IGFL2: variants seen among roughly 807,000 people sequenced by gnomAD.
IGFL2 encodes IGF like family member 2, also known as insulin growth factor-like family member 2.
In IGFL2, 7 loss-of-function variants were observed where a neutral mutation model predicts 13.9. That is an observed-to-expected ratio of 0.51 (90% CI 0.29 to 0.95). The LOEUF (loss-of-function observed/expected upper bound fraction) is 0.95. Ranked by LOEUF, IGFL2 falls within the 40% of genes least tolerant of loss-of-function variation. The pLI, the probability that IGFL2 is intolerant of heterozygous loss-of-function variation, is 0.08. For synonymous variants in IGFL2, 55 were observed against 55.8 expected (o/e 0.99, Z 0.07); for missense variants, 138 against 147.8 (o/e 0.93, Z 0.34).
At chr19:46,176,209 T>G in the IGFL2 span, among the ~76,000 whole-genome samples, 6 of 147,196 alleles carry the variant, frequency 4.1e-5, no homozygotes, top group Non-Finnish European at 9.0e-5. Context: ...AAAAGAAAAC[T>G]GGAGAAGGAT....
chr19:46,197,928 G>A, the IGFL2 span, among the ~76,000 whole-genome samples: 1 of 151,750 alleles, frequency 6.6e-6, no homozygotes, highest in African/African-American at 2.4e-5. Context: ...CTGAGCTTAA[G>A]TGACCTGCCT....
At chr19:46,166,008 G>T (rs368379676), downstream of IGFL2, among the ~76,000 whole-genome samples, 1 of 152,174 alleles carries the variant, frequency 6.6e-6, no homozygotes, top group East Asian at 1.9e-4. Context: ...GCATGTGGAT[G>T]CCTGCACAGC....
the IGFL2 span, among the ~76,000 whole-genome samples, chr19:46,192,685 CT>C: frequency 6.6e-6 from 1 of 151,994 alleles, no homozygotes; most frequent in East Asian, 1.9e-4. Flanking sequence ...TCCCAAAGTT[CT>C]GGGATTACAG....
the IGFL2 span, among the ~76,000 whole-genome samples, chr19:46,107,047 G>A: frequency 1.3e-5 from 2 of 152,272 alleles, no homozygotes; most frequent in South Asian, 2.1e-4. Flanking sequence ...CTGGGCAAGT[G>A]GGGATAACTA....
the IGFL2 span, chr19:46,113,119 T>C: frequency 6.5e-6 from 1 of 154,504 alleles, no homozygotes; most frequent in Non-Finnish European, 1.4e-5. Context: ...ACATCTGTCA[T>C]AGAGTGTGTG....
the IGFL2 span, among the ~76,000 whole-genome samples, chr19:46,132,862 G>T: frequency 6.6e-6 from 1 of 152,164 alleles, no homozygotes; most frequent in South Asian, 2.1e-4. Flanking sequence ...CTGCTGAGTT[G>T]ATCAGATCCA....
At chr19:46,176,009 ATTTT>A in the IGFL2 span, among the ~76,000 whole-genome samples, 1 of 71,892 alleles carries the variant, frequency 1.4e-5, no homozygotes, top group Non-Finnish European at 2.5e-5. Flanking sequence ...CGCCCGACTA[ATTTT>A]TTTTTTTTTT....
intron 1 of IGFL2, among the ~76,000 whole-genome samples, chr19:46,153,140 A>G (rs1600913810): frequency 6.6e-6 from 1 of 152,096 alleles, no homozygotes; most frequent in Non-Finnish European, 1.5e-5. Context: ...TTTCCTTGTG[A>G]TGTCTTTGTC....
chr19:46,159,522 CCCTT>C (rs1314779089), intron 1 of IGFL2: 2 of 152,190 alleles, frequency 1.3e-5, no homozygotes, highest in Non-Finnish European at 2.9e-5. Context: ...AAAACGAACA[CCCTT>C]CCTCTTATTT....
the IGFL2 span, chr19:46,120,250 A>T: frequency 6.3e-7 from 1 of 1,594,712 alleles, no homozygotes; most frequent in African/African-American, 1.4e-5. Flanking sequence ...TTCTCTCCGA[A>T]GTTCAACTGT....
At chr19:46,083,661 G>C in the IGFL2 span, among the ~76,000 whole-genome samples, 8 of 152,084 alleles carry the variant, frequency 5.3e-5, no homozygotes, top group African/African-American at 1.7e-4. Flanking sequence ...AGGAGAGAGA[G>C]ACAAGGAGAC....
downstream of IGFL2, chr19:46,164,483 A>T (rs1456637473): frequency 6.6e-6 from 1 of 152,084 alleles, no homozygotes; most frequent in Non-Finnish European, 1.5e-5. Context: ...GAGAATTCAA[A>T]CCTCTGTCAG....
the IGFL2 span, chr19:46,214,403 A>G: frequency 4.2e-4 from 64 of 152,380 alleles, no homozygotes; most frequent in African/African-American, 1.4e-3. Flanking sequence ...GCCTAAAGTG[A>G]TGAAATTTTC....
chr19:46,078,806 G>T, the IGFL2 span, among the ~76,000 whole-genome samples: 1 of 152,040 alleles, frequency 6.6e-6, no homozygotes, highest in Non-Finnish European at 1.5e-5. Context: ...ACCTTGCAGT[G>T]CGCAGGCGTC....
At chr19:46,148,372 TTC>T (rs1329432310) in intron 1 of IGFL2, 75 bp downstream of exon 1, 2 of 1,253,106 alleles carry the variant, frequency 1.6e-6, no homozygotes, top group Admixed American at 2.0e-5. Context: ...TCAAACTTAA[TTC>T]TCTCTTCCCT....
chr19:46,123,399 A>C, the IGFL2 span, among the ~76,000 whole-genome samples: 1 of 150,992 alleles, frequency 6.6e-6, no homozygotes, highest in Admixed American at 6.6e-5. Context: ...ACTTCATACA[A>C]TACTTAGACT....
At chr19:46,189,825 G>A in the IGFL2 span, 90 of 152,064 alleles carry the variant, frequency 5.9e-4, no homozygotes, top group African/African-American at 2.1e-3. Context: ...TCATATCTAC[G>A]ATCTATATCT....
the IGFL2 span, among the ~76,000 whole-genome samples, chr19:46,102,467 G>T: frequency 6.6e-6 from 1 of 152,274 alleles, no homozygotes; most frequent in South Asian, 2.1e-4. Flanking sequence ...ATATTACAAA[G>T]TACCTTCTTA....
chr19:46,153,379 T>C (rs979848922), intron 1 of IGFL2, among the ~76,000 whole-genome samples: 4 of 152,216 alleles, frequency 2.6e-5, no homozygotes, highest in African/African-American at 9.6e-5. Flanking sequence ...TTAACTGAGA[T>C]GAGGTATCTT....
Sources: gnomAD v4.1 joint callset for allele counts (sites outside exome capture counted in the v4.1 genomes callset) on GRCh38, gnomAD v4.1.1 for gene constraint, MANE v1.5 for transcripts, NCBI Gene and HGNC (gene_info 2026-07-23, HGNC 2026-07-21) for gene names.